The following SGCZ variants were observed in gnomAD, a reference collection of about 807,000 sequenced individuals.
The protein encoded by SGCZ is zeta-sarcoglycan.
Under a neutral mutation model 41.3 loss-of-function variants are expected in SGCZ, and 40 were observed. The observed-to-expected ratio is 0.97, with a 90% CI of 0.75 to 1.26. The LOEUF (loss-of-function observed/expected upper bound fraction) is 1.26. Ranked by LOEUF, SGCZ falls within the 50% of genes most tolerant of loss-of-function variation. The pLI is 0.00. For missense variants in SGCZ, 552 were observed against 369.8 expected (o/e 1.49, Z -4.04); for synonymous variants, 206 against 137.5 (o/e 1.50, Z -3.49).
chr8:14,535,522 A>G (rs1359567294), intron 2 of SGCZ, among the ~76,000 whole-genome samples: 1 of 151,960 alleles, frequency 6.6e-6, no homozygotes, highest in Non-Finnish European at 1.5e-5. Flanking sequence ...AATTAAAATT[A>G]TTTCATCTAC....
chr8:15,202,319 G>A (rs6530844), intron 1 of SGCZ, among the ~76,000 whole-genome samples: 2,925 of 152,216 alleles, frequency 0.019, 33 homozygotes, highest in South Asian at 0.035. Flanking sequence ...CTAGTCAGCC[G>A]TAAGAAGGAA....
chr8:14,914,249 G>A (rs940340817), intron 1 of SGCZ, among the ~76,000 whole-genome samples: 4 of 151,364 alleles, frequency 2.6e-5, no homozygotes, highest in Admixed American at 6.6e-5. Context: ...TATAGAGAGT[G>A]TGTAATGTCA....
intron 2 of SGCZ, among the ~76,000 whole-genome samples, chr8:14,353,000 T>C (rs1256410174): frequency 1.3e-5 from 2 of 152,028 alleles, no homozygotes; most frequent in Non-Finnish European, 2.9e-5. Flanking sequence ...TCCTGTAACA[T>C]TTCTGGACAA....
intron 1 of SGCZ, among the ~76,000 whole-genome samples, chr8:14,636,373 A>G (rs1265850878): frequency 6.6e-6 from 1 of 151,978 alleles, no homozygotes; most frequent in Admixed American, 6.6e-5. Flanking sequence ...GTTCAAAACA[A>G]GAAAAAACAG....
intron 2 of SGCZ, among the ~76,000 whole-genome samples, chr8:14,392,401 AG>A (rs1156403533): frequency 6.6e-6 from 1 of 152,316 alleles, no homozygotes; most frequent in Non-Finnish European, 1.5e-5. Context: ...CACTGAACTG[AG>A]GAGCCCATGG....
chr8:14,240,882 T>C (rs1047244878), intron 3 of SGCZ, among the ~76,000 whole-genome samples: 2 of 152,178 alleles, frequency 1.3e-5, no homozygotes, highest in Non-Finnish European at 1.5e-5. Flanking sequence ...AACACATGTA[T>C]GTGATAAAAA....
intron 4 of SGCZ, among the ~76,000 whole-genome samples, chr8:14,227,874 G>A (rs193252823): frequency 1.3e-5 from 2 of 151,980 alleles, no homozygotes; most frequent in East Asian, 3.9e-4. Flanking sequence ...TAAAGTGAAA[G>A]TCAGGACAAA....
In SGCZ at chr8:14,274,174, T is replaced by C. The variant is rs1585307751; in HGVS notation, c.337-36495A>G. Among the ~76,000 whole-genome samples, 3 of 152,168 alleles carry C rather than the reference T, an allele frequency of 2.0e-5. No homozygotes were observed. In the South Asian group the frequency reaches 6.2e-4, roughly 31 times the overall value. On this transcript the variant is annotated intron_variant, in intron 3 of 7. Coordinates refer to ENST00000382080, the MANE Select transcript of SGCZ (RefSeq NM_139167.4). ...CTATTTCTTATGCTATTGTTGTTTT[T>C]GCTTTTTCAAACGGTAATGAAGTAA...
At chr8:14,337,940 A>G (rs1427856372) in intron 2 of SGCZ, among the ~76,000 whole-genome samples, 1 of 152,208 alleles carries the variant, frequency 6.6e-6, no homozygotes, top group Non-Finnish European at 1.5e-5. Flanking sequence ...AGGGACAACC[A>G]GGGTGTAACA....
intron 1 of SGCZ, among the ~76,000 whole-genome samples, chr8:15,029,494 G>C (rs1803579987): frequency 6.6e-6 from 1 of 152,044 alleles, no homozygotes; most frequent in Non-Finnish European, 1.5e-5. Context: ...AAGAAAGTTA[G>C]TATGTTAACT....
chr8:15,155,434 T>A (rs1799300594), intron 1 of SGCZ, among the ~76,000 whole-genome samples: 1 of 152,230 alleles, frequency 6.6e-6, no homozygotes, highest in Admixed American at 6.5e-5. Context: ...CCAACTGAAA[T>A]AATGCAAAAC....
At chr8:14,966,218 A>C (rs1801122370) in intron 1 of SGCZ, among the ~76,000 whole-genome samples, 1 of 151,924 alleles carries the variant, frequency 6.6e-6, no homozygotes. Flanking sequence ...TCCTATAAGA[A>C]AGAAAGGAGA....
chr8:14,531,573 A>C (rs1168645494), intron 2 of SGCZ, among the ~76,000 whole-genome samples: 1 of 152,082 alleles, frequency 6.6e-6, no homozygotes, highest in African/African-American at 2.4e-5. Flanking sequence ...AAGTTTCCAA[A>C]AATGTAAGAA....
chr8:14,764,913 G>C (rs1358400932), intron 1 of SGCZ, among the ~76,000 whole-genome samples: 1 of 152,102 alleles, frequency 6.6e-6, no homozygotes, highest in African/African-American at 2.4e-5. Flanking sequence ...ACTTTTAAAT[G>C]GTTGAACAAC....
At chr8:14,137,302 C>T (rs981832395) in intron 5 of SGCZ, among the ~76,000 whole-genome samples, 2 of 152,162 alleles carry the variant, frequency 1.3e-5, no homozygotes, top group Admixed American at 6.5e-5. Flanking sequence ...TCGCAAGCAA[C>T]GGAACAAAGA....
intron 4 of SGCZ, among the ~76,000 whole-genome samples, chr8:14,193,315 C>T (rs1805163731): frequency 1.5e-5 from 2 of 131,624 alleles, no homozygotes; most frequent in Non-Finnish European, 3.2e-5. Context: ...TCCCTCTTTC[C>T]TATAAAAAAT....
intron 2 of SGCZ, among the ~76,000 whole-genome samples, chr8:14,452,220 A>C (rs1800614978): frequency 2.0e-5 from 3 of 152,212 alleles, no homozygotes; most frequent in African/African-American, 7.2e-5. Context: ...CAAAGATTAC[A>C]TACTATATGA....
intron 1 of SGCZ, among the ~76,000 whole-genome samples, chr8:14,570,153 T>C (rs1320334554): frequency 6.6e-6 from 1 of 152,110 alleles, no homozygotes; most frequent in Non-Finnish European, 1.5e-5. Flanking sequence ...GACTTTGGGG[T>C]TGTTTACACA....
intron 7 of SGCZ, among the ~76,000 whole-genome samples, chr8:14,095,386 T>C (rs1323687677): frequency 2.0e-5 from 3 of 152,198 alleles, no homozygotes; most frequent in Non-Finnish European, 4.4e-5. Context: ...AGGGAATCCT[T>C]TTCCCATTGC....
Sources: allele counts gnomAD v4.1 joint callset (sites outside exome capture counted in the v4.1 genomes callset), GRCh38; gene constraint gnomAD v4.1.1; transcripts MANE v1.5; gene names NCBI Gene and HGNC (gene_info 2026-07-23, HGNC 2026-07-21).